Variants in SWAP70 observed in about 807,000 individuals in gnomAD.
SWAP70 encodes the protein switching B cell complex subunit SWAP70.
In SWAP70, 34 loss-of-function variants were observed where a neutral mutation model predicts 80.2. The observed-to-expected ratio is 0.42, with a 90% CI of 0.32 to 0.56. The LOEUF is 0.56. Among genes scored for constraint, SWAP70 ranks in the 20% least tolerant of loss-of-function variants. SWAP70 has a pLI of 0.09. For synonymous variants in SWAP70, 239 were observed against 238.5 expected (o/e 1.00, Z -0.02); for missense variants, 578 against 690.7 (o/e 0.84, Z 1.83).
chr11:9,698,503 C>T (rs1332038891), intron 2 of SWAP70, among the ~76,000 whole-genome samples: 1 of 152,106 alleles, frequency 6.6e-6, no homozygotes, highest in African/African-American at 2.4e-5. Context: ...CTCCCGGGCT[C>T]AAGCCATTCT....
intron 9 of SWAP70, chr11:9,740,592 G>A: frequency 2.0e-6 from 1 of 507,588 alleles, no homozygotes; most frequent in Non-Finnish European, 3.6e-6. Context: ...AGAGCAGTCT[G>A]GTAGGTATGT....
intron 1 of SWAP70, among the ~76,000 whole-genome samples, chr11:9,672,052 A>G (rs1237741267): frequency 8.0e-6 from 1 of 124,756 alleles, no homozygotes; most frequent in Non-Finnish European, 1.6e-5. Flanking sequence ...TTTATATAAT[A>G]TATTTTATAG....
intron 9 of SWAP70, among the ~76,000 whole-genome samples, chr11:9,742,482 G>A (rs1851453724): frequency 1.3e-5 from 2 of 151,724 alleles, no homozygotes; most frequent in African/African-American, 4.8e-5. Flanking sequence ...GAGTACAGGC[G>A]CGCACCACCA....
chr11:9,670,482 G>A (rs545876660), intron 1 of SWAP70, among the ~76,000 whole-genome samples: 5 of 152,126 alleles, frequency 3.3e-5, no homozygotes, highest in Middle Eastern at 3.4e-3. Context: ...TCCTTGATGG[G>A]TGTATGTTCA....
chr11:9,713,801 A>G (rs1165424510), intron 3 of SWAP70, among the ~76,000 whole-genome samples, 162 bp downstream of exon 3: 1 of 152,216 alleles, frequency 6.6e-6, no homozygotes, highest in Non-Finnish European at 1.5e-5. Context: ...CTCCAAATAT[A>G]GTAATTTGGG....
At chr11:9,725,556 TATATATATATATA>T (rs1564829507) in intron 4 of SWAP70, among the ~76,000 whole-genome samples, 29 of 11,378 alleles carry the variant, frequency 2.5e-3, no homozygotes, top group African/African-American at 6.7e-3. Context: ...TATATATATA[TATATATATATATA>T]TTTTTTTTTT....
intron 3 of SWAP70, chr11:9,720,248 T>C: frequency 2.0e-6 from 2 of 985,396 alleles, no homozygotes; most frequent in Non-Finnish European, 2.4e-6. Flanking sequence ...GAAATGAATC[T>C]AGATTAGTTG....
At chr11:9,706,287 TTGGTGATCTGTATACAC>T in intron 2 of SWAP70, among the ~76,000 whole-genome samples, 55 of 122,834 alleles carry the variant, frequency 4.5e-4, no homozygotes, top group African/African-American at 1.9e-3. Context: ...CTGTGTATAC[TTGGTGATCTGTATACAC>T]TGGTGATCTG....
intron 1 of SWAP70, among the ~76,000 whole-genome samples, chr11:9,674,983 A>AG (rs1850469778): frequency 6.7e-6 from 1 of 149,396 alleles, no homozygotes; most frequent in Non-Finnish European, 1.5e-5. Context: ...AAAAAAAAAA[A>AG]ATTTTAAATT....
intron 1 of SWAP70, among the ~76,000 whole-genome samples, chr11:9,672,140 AAAATAATATTTAT>A (rs1850422202): frequency 7.6e-6 from 1 of 132,256 alleles, no homozygotes; most frequent in Non-Finnish European, 1.6e-5. Flanking sequence ...AATATAATTT[AAAATAATATTTAT>A]AAATAATATA....
chr11:9,687,430 G>A (rs534101482), intron 1 of SWAP70, among the ~76,000 whole-genome samples: 4 of 152,188 alleles, frequency 2.6e-5, no homozygotes, highest in East Asian at 1.9e-4. Context: ...TTTTCTATTC[G>A]TGTCCACAAG....
At chr11:9,683,978 C>T (rs1220891232) in intron 1 of SWAP70, among the ~76,000 whole-genome samples, 1 of 152,034 alleles carries the variant, frequency 6.6e-6, no homozygotes, top group East Asian at 1.9e-4. Context: ...CGAGGGAAAC[C>T]TCACATTTGT....
intron 10 of SWAP70, 145 bp downstream of exon 10, chr11:9,748,201 C>T (rs1485556981): frequency 8.7e-6 from 7 of 800,656 alleles, no homozygotes; most frequent in South Asian, 1.9e-5. Context: ...GGAGTTTTTA[C>T]AGGAGATAAG....
chr11:9,738,074 A>G, intron 7 of SWAP70, 139 bp from the exon 8 acceptor site: 1 of 490,838 alleles, frequency 2.0e-6, no homozygotes, highest in Non-Finnish European at 3.6e-6. Context: ...TAATGGAGCT[A>G]AAAGTTTTTA....
rs757398404 is a variant in SWAP70 at position 9,732,498 on chromosome 11, C to CA, written c.899-30dup. 28 of 1,551,182 alleles carry CA rather than the reference C, an allele frequency of 1.8e-5. No individual in the cohort carries two copies. The South Asian group carries it at 3.3e-4, about 18-fold the overall frequency. On this transcript the variant is annotated intron_variant, in intron 6 of 11. Transcript: ENST00000318950. ...TTACAAAGAATAAATAATATCTCCCCATTTTTTTTTTCCTCCTACACCTTT... is the reference window on the plus strand; with the variant it reads ...TTACAAAGAATAAATAATATCTCCCCAATTTTTTTTTTCCTCCTACACCTTT...
rs186513166 is a variant in SWAP70 at position 9,669,291 on chromosome 11, A to T, written c.99+5013A>T. 2.1e-3 allele frequency among the ~76,000 whole-genome samples: 315 copies of T among 152,272 alleles called. 1 individual carries two copies. Among genetic ancestry groups the T allele is most frequent in the African/African-American group, 7.4e-3 (306 of 41,570 alleles). ...GAGACGGAGTCTTGCTCTGTTGCCC[A>T]GGGTTGAGTACAGTGGCAACCTCCA... is the stretch of plus-strand genomic sequence containing the variant. On this transcript the variant is annotated intron_variant, in intron 1 of 11. Transcript: ENST00000318950.
intron 9 of SWAP70, among the ~76,000 whole-genome samples, chr11:9,747,294 A>G (rs1851524234): frequency 6.6e-6 from 1 of 152,248 alleles, no homozygotes; most frequent in African/African-American, 2.4e-5. Context: ...AATGGAGGCA[A>G]GGGCCTGGCA....
intron 1 of SWAP70, among the ~76,000 whole-genome samples, chr11:9,671,394 ATATAAATATATAAAAATATATT>A (rs1357894215): frequency 1.0e-4 from 11 of 106,100 alleles, no homozygotes; most frequent in African/African-American, 4.1e-4. Flanking sequence ...ATATAAATAT[ATATAAATATATAAAAATATATT>A]TATAAATATA....
chr11:9,690,132 C>T (rs1014805457), intron 1 of SWAP70, among the ~76,000 whole-genome samples: 1 of 152,118 alleles, frequency 6.6e-6, no homozygotes, highest in Admixed American at 6.6e-5. Flanking sequence ...TATCTATTCT[C>T]CCTGTGGAGA....
Sources: gnomAD v4.1 joint callset for allele counts (sites outside exome capture counted in the v4.1 genomes callset) on GRCh38, gnomAD v4.1.1 for gene constraint, MANE v1.5 for transcripts, NCBI Gene and HGNC (gene_info 2026-07-23, HGNC 2026-07-21) for gene names.